BTN2A2: variants seen among roughly 807,000 people sequenced by gnomAD.
The protein encoded by BTN2A2 is butyrophilin subfamily 2 member A2, also known as butyrophilin 2.
In BTN2A2, 29 loss-of-function variants were observed where a neutral mutation model predicts 34.7. The ratio of observed to expected loss-of-function variants is 0.84; its 90% CI spans 0.62 to 1.14. The LOEUF (loss-of-function observed/expected upper bound fraction) is 1.14. Among genes scored for constraint, BTN2A2 ranks in the 50% most tolerant of loss-of-function variants. The pLI is 0.00. For synonymous variants in BTN2A2, 240 were observed against 253.1 expected (o/e 0.95, Z 0.49); for missense variants, 612 against 651.5 (o/e 0.94, Z 0.66).
chr6:26,383,921 G>A lies in BTN2A2; in HGVS notation c.94+6G>A, dbSNP rs1170474162. On this transcript the variant is annotated splice_donor_region_variant and intron_variant, in intron 2 of 7. Transcript: ENST00000356709. The surrounding 1 kb of genome is among the most constrained non-coding windows in gnomAD (Gnocchi z 4.4). ...CCTGTGTGCACTGGTCTCAGGTAGGGATGTGTGTCACTTGCTGCTGTCACC... is the reference window on the plus strand; with the variant it reads ...CCTGTGTGCACTGGTCTCAGGTAGGAATGTGTGTCACTTGCTGCTGTCACC... 3 of 1,612,496 alleles carry A rather than the reference G, an allele frequency of 1.9e-6. No homozygotes were observed. The highest frequency in any genetic ancestry group is 2.5e-6 in the Non-Finnish European group (3 of 1,178,656).
intron 3 of BTN2A2, 88 bp from the exon 4 acceptor site, chr6:26,387,925 C>G: frequency 1.4e-6 from 2 of 1,405,986 alleles, no homozygotes; most frequent in South Asian, 1.4e-5. Context: ...TCTCCAAAAC[C>G]AAGGGTCTTT....
intron 4 of BTN2A2, among the ~76,000 whole-genome samples, chr6:26,388,844 G>A (rs9467747): frequency 0.3 from 45,667 of 152,012 alleles, 9,539 homozygotes; most frequent in African/African-American, 0.6. Context: ...GACAGCGGCC[G>A]GGCACGGTGG....
In BTN2A2 at chr6:26,392,674, T is replaced by C. The variant is rs1357830316; in HGVS notation, c.1279T>C (p.Tyr427His). 6.2e-7 allele frequency: 1 copy of C among 1,614,190 alleles called. No individual in the cohort carries two copies. The highest frequency in any genetic ancestry group is 1.1e-5 in the South Asian group (1 of 91,084). Reference protein sequence around the residue: ...FWTLEMFGNQYRALSSPERIL... With the variant: ...FWTLEMFGNQHRALSSPERIL... ...GACCCTGGAGATGTTTGGAAACCAA[T>C]ACCGGGCCCTGTCCTCCCCTGAGAG... Residue 427 changes from tyrosine to histidine, a missense_variant, in exon 8 of 8, where the codon TAC becomes CAC. By Grantham distance (83) the Tyr-to-His change is moderately conservative. Coordinates refer to ENST00000356709, the MANE Select transcript of BTN2A2 (RefSeq NM_006995.5).
intron 4 of BTN2A2, among the ~76,000 whole-genome samples, chr6:26,389,127 GA>G (rs1761408567): frequency 6.6e-6 from 1 of 151,274 alleles, no homozygotes. Context: ...AAAAGAAAAA[GA>G]AAAAAAGGGA....
At chr6:26,385,512 A>G in intron 3 of BTN2A2, 150 bp downstream of exon 3, 1 of 722,690 alleles carries the variant, frequency 1.4e-6, no homozygotes, top group Non-Finnish European at 2.2e-6. Flanking sequence ...CACAAAGGCC[A>G]CATGAGTGGG....
chr6:26,388,693 A>G (rs1187702128), intron 4 of BTN2A2, among the ~76,000 whole-genome samples: 1 of 152,234 alleles, frequency 6.6e-6, no homozygotes, highest in African/African-American at 2.4e-5. Flanking sequence ...GAAATTCCCT[A>G]TCAAGAGACA....
Position 26,383,804 on chromosome 6 carries a change from T to C in BTN2A2, c.-18T>C, listed in dbSNP as rs1408961194. On this transcript the variant is annotated 5_prime_UTR_variant, in exon 2 of 8. Transcript: ENST00000356709. The surrounding 1 kb of genome is among the most constrained non-coding windows in gnomAD (Gnocchi z 4.4). ...TCTGTAACCCTAGGCCTCTGGTCTC[T>C]GCCTGCCCTGGGTGCTCATGGAACC... 3 of 1,613,096 alleles carry C rather than the reference T, an allele frequency of 1.9e-6. No homozygotes were observed. The highest frequency in any genetic ancestry group is 3.3e-5 in the Admixed American group (2 of 60,024).
rs1761019837 is a variant in BTN2A2 at position 26,383,911 on chromosome 6, C to T, written c.90C>T (p.Val30=). ...LLLLLSLCAL[V]SAQFTVVGPA... is the part of the protein sequence containing the mutation. ...TCCTTCTCAGCCTGTGTGCACTGGT[C>T]TCAGGTAGGGATGTGTGTCACTTGC... Residue 30 remains valine, a synonymous_variant, in exon 2 of 8, where the codon GTC becomes GTT. Transcript: ENST00000356709. This position sits in a 1 kb window ranked among gnomAD's most constrained non-coding sequence, Gnocchi z 4.4. 1 of 1,613,630 alleles carries T rather than the reference C, an allele frequency of 6.2e-7. No homozygotes were observed. The highest frequency in any genetic ancestry group is 1.3e-5 in the African/African-American group (1 of 74,882).
intron 4 of BTN2A2, 126 bp downstream of exon 4, chr6:26,388,420 C>A: frequency 8.6e-7 from 1 of 1,161,076 alleles, no homozygotes; most frequent in Non-Finnish European, 1.2e-6. Flanking sequence ...GAGCTGGAGG[C>A]TGCAGCTGAG....
At chr6:26,390,251 A>C in intron 5 of BTN2A2, 40 bp downstream of exon 5, 1 of 1,583,762 alleles carries the variant, frequency 6.3e-7, no homozygotes, top group Non-Finnish European at 8.6e-7. Context: ...AATAGAAAGA[A>C]ATTCAAAAAG....
Position 26,391,979 on chromosome 6 carries a change from G to C in BTN2A2, c.980-396G>C. The C allele has an allele frequency of 3.6e-6, 2 of 548,344 alleles. 1 individual carries two copies. The highest frequency in any genetic ancestry group is 4.2e-5 in the South Asian group (2 of 47,770). 34.0% of individuals were successfully genotyped at this position (548,344 alleles called of 1,614,324 possible). ...TTGAGAGGTATGTGGGGGAACAATA[G>C]GAGATAAAGCTTCTGTGATGGTTTA... On this transcript the variant is annotated intron_variant, in intron 7 of 7. Coordinates refer to ENST00000356709, the MANE Select transcript of BTN2A2 (RefSeq NM_006995.5).
In BTN2A2 at chr6:26,393,465, T is replaced by A; in HGVS notation, c.*498T>A. ...ACCAGAGAGCTGGGAGGGACCAAGG[T>A]TGTAAGGATGGCTAAGTCCCACCAT... On this transcript the variant is annotated 3_prime_UTR_variant, in exon 8 of 8. Coordinates refer to ENST00000356709, the MANE Select transcript of BTN2A2 (RefSeq NM_006995.5). The A allele has an allele frequency of 9.4e-7, 1 of 1,060,852 alleles. No homozygotes were observed. Among genetic ancestry groups the A allele is most frequent in the East Asian group, 8.0e-5 (1 of 12,450 alleles). The allele number at this position is 1,060,852 out of a possible 1,614,324, so 65.7% of individuals were successfully genotyped here.
rs531770086 is a variant in BTN2A2 at position 26,390,824 on chromosome 6, A to C, written c.974A>C (p.His325Pro). ...GCAGGATGGAGAAGAACATTCTTACATGCTGGTGAGTGCCTCTGATGTTCT... is the reference window on the plus strand; with the variant it reads ...GCAGGATGGAGAAGAACATTCTTACCTGCTGGTGAGTGCCTCTGATGTTCT... Reference protein sequence around the residue: ...EELRWRRTFLHAADVVLDPDT... With the variant: ...EELRWRRTFLPAADVVLDPDT... Residue 325 changes from histidine (H) to proline (P), a missense_variant, in exon 7 of 8, where the codon CAT becomes CCT. Coordinates refer to ENST00000356709, the MANE Select transcript of BTN2A2 (RefSeq NM_006995.5). The C allele has an allele frequency of 6.2e-7, 1 of 1,614,166 alleles. No homozygotes were observed. The highest frequency in any genetic ancestry group is 1.1e-5 in the South Asian group (1 of 91,086).
In BTN2A2 at chr6:26,394,537, C is replaced by T; in HGVS notation, c.*1570C>T. 1 of 510,294 alleles carries T rather than the reference C, an allele frequency of 2.0e-6. No individual in the cohort carries two copies. Among genetic ancestry groups the T allele is most frequent in the Non-Finnish European group, 3.5e-6 (1 of 287,698 alleles). 31.6% of individuals were successfully genotyped at this position (510,294 alleles called of 1,614,324 possible). A position where few individuals can be genotyped will look rare whatever the true frequency, so the allele number is the denominator to read the frequency against. ...ACATCAGAACTCCTGGCTCTCCGGC[C>T]TTTGAACTTCAGGACTTGTACCAGG... On this transcript the variant is annotated 3_prime_UTR_variant, in exon 8 of 8. Transcript: ENST00000356709.
In BTN2A2 at chr6:26,392,804, CAT is replaced by C. The variant is rs1561835802; in HGVS notation, c.1410_1411del (p.Cys471SerfsTer18). On this transcript the variant is annotated frameshift_variant, in exon 8 of 8. Transcript: ENST00000356709. LOFTEE classifies it low-confidence loss of function (END_TRUNC). ...ATGAGGGACAGATCGCACATCTACA[CAT>C]GTCCCCGTTCAGCCTTTACTGTGCC... 6.2e-7 allele frequency: 1 copy of C among 1,614,214 alleles called. No individual in the cohort carries two copies. The highest frequency in any genetic ancestry group is 8.5e-7 in the Non-Finnish European group (1 of 1,180,032).
chr6:26,392,074 G>A (rs1761609594), intron 7 of BTN2A2: 1 of 735,206 alleles, frequency 1.4e-6, no homozygotes, highest in African/African-American at 1.8e-5. Context: ...AAAGGGATCA[G>A]ATCTTAGAAT....
In BTN2A2 at chr6:26,392,981, G is replaced by C; in HGVS notation, c.*14G>C. 6.2e-7 allele frequency: 1 copy of C among 1,613,956 alleles called. No homozygotes were observed. Among genetic ancestry groups the C allele is most frequent in the Non-Finnish European group, 8.5e-7 (1 of 1,179,968 alleles). On this transcript the variant is annotated 3_prime_UTR_variant, in exon 8 of 8. Transcript: ENST00000356709. ...CAGAGCCTATAGAATCAATTCCTTGGACTCACAGCCATGCAGATAAGCCCT... is the reference window on the plus strand; with the variant it reads ...CAGAGCCTATAGAATCAATTCCTTGCACTCACAGCCATGCAGATAAGCCCT...
At chr6:26,390,478 G>T (rs1340744680) in intron 5 of BTN2A2, 2 of 725,486 alleles carry the variant, frequency 2.8e-6, no homozygotes, top group Non-Finnish European at 4.6e-6. Context: ...ATGGCTGAAC[G>T]AAAGTTCAGA....
Position 26,383,887 on chromosome 6 carries a change from CCTT to C in BTN2A2, c.69_71del (p.Leu24del), listed in dbSNP as rs751776181. On this transcript the variant is annotated inframe_deletion, in exon 2 of 8. Transcript: ENST00000356709. The surrounding 1 kb of genome is among the most constrained non-coding windows in gnomAD (Gnocchi z 4.4). The stretch of plus-strand genomic sequence containing the variant: ...CCCTCCTCCTCCTCCTGCTCCTCCT[CCTT>C]CTCAGCCTGTGTGCACTGGTCTCAG... The C allele has an allele frequency of 1.9e-6, 3 of 1,614,162 alleles. No homozygotes were observed. Among genetic ancestry groups the C allele is most frequent in the Non-Finnish European group, 2.5e-6 (3 of 1,180,008 alleles).
Sources: gnomAD v4.1 joint callset for allele counts (sites outside exome capture counted in the v4.1 genomes callset) on GRCh38, gnomAD v4.1.1 for gene constraint, Gnocchi (gnomAD v3.1) non-coding constraint, MANE v1.5 for transcripts, NCBI Gene and HGNC (gene_info 2026-07-23, HGNC 2026-07-21) for gene names.